Variants in GAST observed in about 807,000 individuals in gnomAD.
GAST encodes the protein preprogastrin.
GAST carries 9 observed loss-of-function variants against 12.5 expected under a neutral mutation model. That is an observed-to-expected ratio of 0.72 (90% confidence interval 0.43 to 1.25). The LOEUF is 1.25. GAST is among the 50% of genes most tolerant of loss of function. GAST has a pLI of 0.00. For missense variants in GAST, 121 were observed against 127.7 expected, an observed-to-expected ratio of 0.95 and a Z score of 0.25; for synonymous variants, 52 against 51.1, an observed-to-expected ratio of 1.02 and a Z score of -0.08.
intron 1 of GAST, among the ~76,000 whole-genome samples, chr17:41,714,354 G>A (rs1555585557): frequency 6.6e-6 from 1 of 151,986 alleles, no homozygotes; most frequent in East Asian, 1.9e-4. Context: ...TGTATTTTTT[G>A]TAGAGATGGG....
chr17:41,715,408 GCTAGTC>G lies in GAST; in HGVS notation c.-5-22_-5-17del, dbSNP rs1555585701. ...TCTGTGGGGACAGCCTCACCCTTAA[GCTAGTC>G]CCTTCTCCCCTTTGCAGACGAGATG... On this transcript the variant is annotated intron_variant, in intron 1 of 2. Coordinates refer to ENST00000329402, the MANE Select transcript of GAST (RefSeq NM_000805.5). 1.3e-6 allele frequency: 2 copies of G among 1,589,072 alleles called. No individual in the cohort carries two copies. Among genetic ancestry groups the G allele is most frequent in the Non-Finnish European group, 1.7e-6 (2 of 1,161,126 alleles).
At chr17:41,712,608 G>T (rs1027918894) in intron 1 of GAST, among the ~76,000 whole-genome samples, 3 of 152,176 alleles carry the variant, frequency 2.0e-5, no homozygotes, top group African/African-American at 7.2e-5. Context: ...CCGCAGCCGG[G>T]GCCCTGCCCT....
At chr17:41,714,275 C>T (rs1380387155) in intron 1 of GAST, among the ~76,000 whole-genome samples, 5 of 152,114 alleles carry the variant, frequency 3.3e-5, no homozygotes, top group Non-Finnish European at 7.4e-5. Flanking sequence ...CCGGTTCAAG[C>T]GATCCTCCCA....
At chr17:41,714,032 C>A (rs1360330223) in intron 1 of GAST, among the ~76,000 whole-genome samples, 2 of 152,176 alleles carry the variant, frequency 1.3e-5, no homozygotes, top group African/African-American at 2.4e-5. Flanking sequence ...GACAGGAGAA[C>A]CTTTCCTCTC....
At chr17:41,715,671 T>C in intron 2 of GAST, 24 bp downstream of exon 2, 1 of 1,609,946 alleles carries the variant, frequency 6.2e-7, no homozygotes, top group East Asian at 2.2e-5. Context: ...ACTGCCCTGC[T>C]TGCCTCACTT....
intron 1 of GAST, among the ~76,000 whole-genome samples, chr17:41,714,699 C>T (rs1466784942): frequency 6.6e-6 from 1 of 152,012 alleles, no homozygotes; most frequent in Non-Finnish European, 1.5e-5. Context: ...CACCTGAGCC[C>T]AGGAGGTAGA....
At position 41,715,612 on chromosome 17, in the gene GAST, A is replaced by C. The variant is rs781883642; in HGVS notation, c.176A>C (p.Gln59Pro). 1.2e-6 allele frequency: 2 copies of C among 1,613,630 alleles called. No individual in the cohort carries two copies. Among genetic ancestry groups the C allele is most frequent in the African/African-American group, 2.7e-5 (2 of 74,922 alleles). The change falls in exon 2 of 3, where the codon CAG becomes CCG. Residue 59 changes from glutamine (Q) to proline (P), a missense_variant. Transcript: ENST00000329402. ...GGCCCAGCCTCTCATCATCGAAGGCAGCTGGGACCCCAGGGTCCCCCACAC... is the reference window on the plus strand; with the variant it reads ...GGCCCAGCCTCTCATCATCGAAGGCCGCTGGGACCCCAGGGTCCCCCACAC... ...QQGPASHHRR[Q>P]LGPQGPPHLV... is the part of the protein sequence containing the mutation.
intron 1 of GAST, among the ~76,000 whole-genome samples, chr17:41,714,707 AGAG>A (rs1910929982): frequency 1.3e-5 from 2 of 151,718 alleles, no homozygotes; most frequent in East Asian, 4.0e-4. Context: ...CCCAGGAGGT[AGAG>A]GCTGCAGTGA....
At chr17:41,714,521 C>A (rs1207731137) in intron 1 of GAST, among the ~76,000 whole-genome samples, 2 of 152,030 alleles carry the variant, frequency 1.3e-5, no homozygotes, top group East Asian at 1.9e-4. Flanking sequence ...TCTGTAATCG[C>A]AGCACTTTGG....
intron 1 of GAST, 83 bp from the exon 2 acceptor site, chr17:41,715,349 G>A: frequency 9.9e-7 from 1 of 1,011,786 alleles, no homozygotes; most frequent in Non-Finnish European, 1.5e-6. Context: ...GTAGAGGCCT[G>A]GAGCCACATG....
chr17:41,714,519 C>T (rs111463513), intron 1 of GAST, among the ~76,000 whole-genome samples: 5,447 of 152,140 alleles, frequency 0.036, 318 homozygotes, highest in African/African-American at 0.12. Flanking sequence ...CATCTGTAAT[C>T]GCAGCACTTT....
At chr17:41,712,891 G>A (rs957287252) in intron 1 of GAST, among the ~76,000 whole-genome samples, 1 of 152,106 alleles carries the variant, frequency 6.6e-6, no homozygotes, top group African/African-American at 2.4e-5. Context: ...AGCCACGTGT[G>A]CGCTTGAAAT....
At chr17:41,715,377 T>C (rs1488976050) in intron 1 of GAST, 55 bp from the exon 2 acceptor site, 7 of 1,395,828 alleles carry the variant, frequency 5.0e-6, no homozygotes, top group Admixed American at 3.6e-5. Context: ...CCCCTGCCTC[T>C]GGGCCTCTGT....
rs1597726883 is a variant in GAST, at chr17:41,715,311, AAAG to A, written c.-5-118_-5-116del. On this transcript the variant is annotated intron_variant, in intron 1 of 2. Coordinates refer to ENST00000329402, the MANE Select transcript of GAST (RefSeq NM_000805.5). Reference sequence around the variant, plus strand: ...GTGAAACTCTGTCTAAAAAAAAAAAAAAGAAAGAATTGCACACTCATCAGCAGG... The same window carrying A: ...GTGAAACTCTGTCTAAAAAAAAAAAAAAAGAATTGCACACTCATCAGCAGG... 22 of 729,548 alleles carry A rather than the reference AAAG, an allele frequency of 3.0e-5. No homozygotes were observed. In the East Asian group the frequency reaches 5.5e-4, roughly 18 times the overall value. 45.2% of individuals were successfully genotyped at this position (729,548 alleles called of 1,614,324 possible). A position where few individuals can be genotyped will look rare whatever the true frequency, so the allele number is the denominator to read the frequency against.
At chr17:41,715,299 T>TA (rs11286851) in intron 1 of GAST, 133 bp from the exon 2 acceptor site, 1,779 of 553,742 alleles carry the variant, frequency 3.2e-3, no homozygotes, top group Admixed American at 4.3e-3. Context: ...AAACTCTGTC[T>TA]AAAAAAAAAA....
chr17:41,712,926 T>TTGC (rs1290134148), intron 1 of GAST, among the ~76,000 whole-genome samples: 2 of 152,026 alleles, frequency 1.3e-5, no homozygotes, highest in African/African-American at 4.8e-5. Flanking sequence ...GAAGTTTTTG[T>TTGC]TGTTGTTGTT....
rs146876535 is a variant in GAST, at chr17:41,715,165, T to C, written c.-5-267T>C. On this transcript the variant is annotated intron_variant, in intron 1 of 2. Transcript: ENST00000329402. ...AATTACAAAAATTAGCCAGGCATGGTGGCACGTGCCTATAGTCACAGATAT... is the reference window on the plus strand; with the variant it reads ...AATTACAAAAATTAGCCAGGCATGGCGGCACGTGCCTATAGTCACAGATAT... 1.1e-4 allele frequency among the ~76,000 whole-genome samples: 17 copies of C among 152,156 alleles called. No homozygotes were observed. In the East Asian group the frequency reaches 3.3e-3, roughly 29 times the overall value.
rs1039095504 is a variant in GAST, at chr17:41,712,358, C to T, written c.-35C>T. ...AGACCTGAGAGGCACCAGGCCCAGC[C>T]GTGGCACCACACACCTCCCAGCTCT... On this transcript the variant is annotated 5_prime_UTR_variant, in exon 1 of 3. Transcript: ENST00000329402. The T allele has an allele frequency of 3.3e-5, 5 of 152,534 alleles. No individual in the cohort carries two copies. The highest frequency in any genetic ancestry group is 4.8e-5 in the African/African-American group (2 of 41,540). 9.4% of individuals were successfully genotyped at this position (152,534 alleles called of 1,614,324 possible).
chr17:41,713,551 G>A (rs2143135695), intron 1 of GAST, among the ~76,000 whole-genome samples: 1 of 152,120 alleles, frequency 6.6e-6, no homozygotes, highest in East Asian at 1.9e-4. Context: ...AAAAAAATTA[G>A]CTGGGCATAG....
Sources: allele counts gnomAD v4.1 joint callset (sites outside exome capture counted in the v4.1 genomes callset), GRCh38; gene constraint gnomAD v4.1.1; transcripts MANE v1.5; gene names NCBI Gene and HGNC (gene_info 2026-07-23, HGNC 2026-07-21).